HTR7: variants seen among roughly 807,000 people sequenced by gnomAD.
The protein encoded by HTR7 is 5-HT-7.
Under a neutral mutation model 34.0 loss-of-function variants are expected in HTR7, and 16 were observed. That is an observed-to-expected ratio of 0.47 (90% CI 0.32 to 0.71). HTR7 has a LOEUF of 0.71. Among genes scored for constraint, HTR7 ranks in the 30% least tolerant of loss-of-function variants. The pLI is 0.04. For missense variants in HTR7, 504 were observed against 625.5 expected (o/e 0.81, Z 2.07); for synonymous variants, 265 against 260.2 (o/e 1.02, Z -0.18).
chr10:90,774,983 A>C (rs547886934), intron 1 of HTR7, among the ~76,000 whole-genome samples: 63 of 152,358 alleles, frequency 4.1e-4, no homozygotes, highest in African/African-American at 1.4e-3. Flanking sequence ...TGCGTGCAGC[A>C]GAGGGACTGC....
At chr10:90,779,472 C>T (rs546459675) in intron 1 of HTR7, among the ~76,000 whole-genome samples, 20 of 152,266 alleles carry the variant, frequency 1.3e-4, no homozygotes, top group African/African-American at 4.6e-4. Flanking sequence ...TTTTGTTTCT[C>T]GTATACTGCA....
chr10:90,746,917 T>C (rs1447169787), intron 2 of HTR7, among the ~76,000 whole-genome samples: 1 of 152,204 alleles, frequency 6.6e-6, no homozygotes. Context: ...TTTACTTACT[T>C]AGAGTAACAA....
chr10:90,830,707 A>T (rs970364195), intron 1 of HTR7, among the ~76,000 whole-genome samples: 2 of 151,124 alleles, frequency 1.3e-5, no homozygotes, highest in African/African-American at 4.9e-5. Flanking sequence ...AGGATCGCTT[A>T]AGCCCGGGAG....
At chr10:90,834,729 A>G (rs1846228719) in intron 1 of HTR7, among the ~76,000 whole-genome samples, 1 of 152,146 alleles carries the variant, frequency 6.6e-6, no homozygotes, top group South Asian at 2.1e-4. Context: ...CAGGGTCCCC[A>G]AAAGAAGCAA....
chr10:90,785,845 G>T (rs767965652), intron 1 of HTR7, among the ~76,000 whole-genome samples: 2 of 152,204 alleles, frequency 1.3e-5, no homozygotes, highest in African/African-American at 4.8e-5. Context: ...CAAGAATACA[G>T]CAATCCACAA....
chr10:90,814,490 A>T (rs1266100784), intron 1 of HTR7, among the ~76,000 whole-genome samples: 1 of 152,244 alleles, frequency 6.6e-6, no homozygotes, highest in Non-Finnish European at 1.5e-5. Context: ...AATACATTAA[A>T]GTAATTAAGA....
In HTR7 at chr10:90,749,351, C is replaced by T; in HGVS notation, c.783G>A (p.Gln261=). 2 of 1,614,172 alleles carry T rather than the reference C, an allele frequency of 1.2e-6. No individual in the cohort carries two copies. Among genetic ancestry groups the T allele is most frequent in the Admixed American group, 1.7e-5 (1 of 60,010 alleles). The change falls in exon 2 of 4, where the codon CAG becomes CAA. Residue 261 remains glutamine, a synonymous_variant. Coordinates refer to ENST00000336152, the MANE Select transcript of HTR7 (RefSeq NM_019859.4). This position sits in a 1 kb window ranked among gnomAD's most constrained non-coding sequence, Gnocchi z 4.2. ...PMSVMLFMYY[Q]IYKAARKSAA... is the part of the protein sequence containing the mutation. ...CACTCTTCCTGGCAGCCTTGTAAAT[C>T]TGGTAGTACATGAAAAGCATGACGG...
intron 1 of HTR7, among the ~76,000 whole-genome samples, chr10:90,793,989 G>C (rs902543841): frequency 3.9e-5 from 6 of 152,128 alleles, no homozygotes; most frequent in African/African-American, 1.4e-4. Flanking sequence ...CTGATTAGAT[G>C]GTGCCCAGCC....
At chr10:90,826,532 A>AGT (rs112343361) in intron 1 of HTR7, among the ~76,000 whole-genome samples, 1 of 143,004 alleles carries the variant, frequency 7.0e-6, no homozygotes, top group African/African-American at 2.6e-5. Context: ...AAAAATAATA[A>AGT]TTTTAAGGCA....
At chr10:90,751,268 G>A (rs1295415710) in intron 1 of HTR7, among the ~76,000 whole-genome samples, 2 of 152,126 alleles carry the variant, frequency 1.3e-5, no homozygotes, top group Non-Finnish European at 2.9e-5. Flanking sequence ...GGCAGTGCGG[G>A]GGAAAGTAAC....
At chr10:90,801,345 C>A (rs938450912) in intron 1 of HTR7, among the ~76,000 whole-genome samples, 3 of 152,170 alleles carry the variant, frequency 2.0e-5, no homozygotes, top group Admixed American at 1.3e-4. Flanking sequence ...ACCAACTCTT[C>A]CTCCCAGCCA....
At position 90,857,767 on chromosome 10, in the gene HTR7, C is replaced by T. The variant is rs2120148447; in HGVS notation, c.-96G>A. Reference sequence around the variant, plus strand: ...CTTCACCTCACCGGTTCCGCTCCGCCCGGCCCAGCCATGGGGCCCGCGCCG... The same window carrying T: ...CTTCACCTCACCGGTTCCGCTCCGCTCGGCCCAGCCATGGGGCCCGCGCCG... On this transcript the variant is annotated 5_prime_UTR_variant, in exon 1 of 4. Coordinates refer to ENST00000336152, the MANE Select transcript of HTR7 (RefSeq NM_019859.4). The surrounding 1 kb of genome is among the most constrained non-coding windows in gnomAD (Gnocchi z 6.5). The T allele has an allele frequency of 7.9e-7, 1 of 1,265,364 alleles. No homozygotes were observed. The highest frequency in any genetic ancestry group is 1.0e-6 in the Non-Finnish European group (1 of 982,606). The allele number at this position is 1,265,364 out of a possible 1,614,324, so 78.4% of individuals were successfully genotyped here.
chr10:90,827,869 G>T (rs1271518458), intron 1 of HTR7, among the ~76,000 whole-genome samples: 1 of 152,142 alleles, frequency 6.6e-6, no homozygotes, highest in East Asian at 1.9e-4. Flanking sequence ...GGACCAAATT[G>T]ACCTAACAGA....
In HTR7 at chr10:90,742,500, C is replaced by CT. The variant is rs1564665787; in HGVS notation, c.1421dup (p.Val475GlyfsTer5). 3.8e-6 allele frequency: 6 copies of CT among 1,599,428 alleles called. No homozygotes were observed. The highest frequency in any genetic ancestry group is 4.3e-6 in the Non-Finnish European group (5 of 1,173,726). ...TCTGCTTTCAATCATGAATCATGACCTTTTTTTCTACAGTAGTCAGCATTT... is the reference window on the plus strand; with the variant it reads ...TCTGCTTTCAATCATGAATCATGACCTTTTTTTTCTACAGTAGTCAGCATTT... On this transcript the variant is annotated frameshift_variant, in exon 4 of 4. Coordinates refer to ENST00000336152, the MANE Select transcript of HTR7 (RefSeq NM_019859.4). LOFTEE classifies it high-confidence loss of function.
chr10:90,746,335 GAATCATTAACTAAAAT>G (rs1198094749), intron 2 of HTR7, among the ~76,000 whole-genome samples: 2 of 152,142 alleles, frequency 1.3e-5, no homozygotes, highest in African/African-American at 2.4e-5. Flanking sequence ...AATTATCTAT[GAATCATTAACTAAAAT>G]AATCAATAAA....
At chr10:90,776,070 T>A (rs1845203718) in intron 1 of HTR7, among the ~76,000 whole-genome samples, 2 of 152,168 alleles carry the variant, frequency 1.3e-5, no homozygotes, top group Non-Finnish European at 2.9e-5. Flanking sequence ...CTAGTGAATA[T>A]TTTACACTGA....
chr10:90,800,984 A>G (rs1845616194), intron 1 of HTR7, among the ~76,000 whole-genome samples: 2 of 152,176 alleles, frequency 1.3e-5, no homozygotes, highest in Admixed American at 1.3e-4. Flanking sequence ...CAGTGCTGGC[A>G]AGAGATTCTC....
intron 1 of HTR7, among the ~76,000 whole-genome samples, chr10:90,844,820 A>G (rs1389663552): frequency 1.4e-5 from 2 of 144,124 alleles, no homozygotes; most frequent in African/African-American, 5.1e-5. Context: ...CATCTGGAGG[A>G]TATTTTCAAA....
intron 1 of HTR7, among the ~76,000 whole-genome samples, chr10:90,759,523 C>T (rs1297495293): frequency 7.3e-5 from 11 of 150,650 alleles, no homozygotes; most frequent in Non-Finnish European, 1.3e-4. Context: ...GGCGCGGTGG[C>T]GGGCGCCTGT....
Sources: allele counts gnomAD v4.1 joint callset (sites outside exome capture counted in the v4.1 genomes callset), GRCh38; gene constraint gnomAD v4.1.1; non-coding constraint Gnocchi (gnomAD v3.1); transcripts MANE v1.5; gene names NCBI Gene and HGNC (gene_info 2026-07-23, HGNC 2026-07-21).